CSMD1: variants seen among roughly 807,000 people sequenced by gnomAD.
CSMD1 encodes CUB and sushi domain-containing protein 1.
A neutral mutation model predicts 417.5 loss-of-function variants in CSMD1; 213 were observed. The ratio of observed to expected loss-of-function variants is 0.51; its 90% CI spans 0.46 to 0.57. The LOEUF is 0.57. Among genes scored for constraint, CSMD1 ranks in the 20% least tolerant of loss-of-function variants. CSMD1 has a pLI of 0.00. For synonymous variants in CSMD1, 2,862 were observed against 1,736.8 expected, an observed-to-expected ratio of 1.65 and a Z score of -16.11; for missense variants, 6,923 against 4,529.7, an observed-to-expected ratio of 1.53 and a Z score of -15.17.
intron 6 of CSMD1, among the ~76,000 whole-genome samples, chr8:3,723,981 A>AAC (rs1193169405): frequency 1.8e-5 from 2 of 113,870 alleles, no homozygotes. Context: ...TGTGAAAGAA[A>AAC]AATGTCCACT....
intron 12 of CSMD1, among the ~76,000 whole-genome samples, chr8:3,460,140 G>A (rs1335656714): frequency 2.0e-5 from 3 of 152,146 alleles, no homozygotes; most frequent in Non-Finnish European, 2.9e-5. Flanking sequence ...GGTGGTATAG[G>A]ATTGTGTAGC....
intron 5 of CSMD1, among the ~76,000 whole-genome samples, chr8:3,833,501 C>G (rs1158989296): frequency 6.6e-6 from 1 of 151,994 alleles, no homozygotes; most frequent in Non-Finnish European, 1.5e-5. Context: ...AAAGCCCTTT[C>G]CTCATTCATA....
chr8:4,964,661 ATCT>A (rs1809735653), intron 1 of CSMD1, among the ~76,000 whole-genome samples: 2 of 152,080 alleles, frequency 1.3e-5, no homozygotes, highest in Admixed American at 1.3e-4. Flanking sequence ...ACTCTTTAAA[ATCT>A]TCTCAGAGAT....
chr8:3,484,585 C>T (rs1817920339), intron 11 of CSMD1, among the ~76,000 whole-genome samples: 1 of 152,148 alleles, frequency 6.6e-6, no homozygotes, highest in African/African-American at 2.4e-5. Flanking sequence ...AGCCCATAAA[C>T]TAGACTTCAT....
In CSMD1 at chr8:3,606,423, C is replaced by A. The variant is rs545958211; in HGVS notation, c.1097+10287G>T. On this transcript the variant is annotated intron_variant, in intron 8 of 69. Coordinates refer to ENST00000635120, the MANE Select transcript of CSMD1 (RefSeq NM_033225.6). ...GCAATTGAACACAATGGTAAGTGTT[C>A]GTATATCTAAGTATACCTAAACATA... 3.9e-5 allele frequency among the ~76,000 whole-genome samples: 6 copies of A among 152,076 alleles called. No individual in the cohort carries two copies. In the East Asian group the frequency reaches 1.2e-3, roughly 29 times the overall value.
intron 1 of CSMD1, among the ~76,000 whole-genome samples, chr8:4,850,200 T>A (rs932951629): frequency 6.6e-6 from 1 of 152,260 alleles, no homozygotes; most frequent in African/African-American, 2.4e-5. Context: ...AACCTATTTT[T>A]TAACTGGGTT....
At position 4,297,067 on chromosome 8, in the gene CSMD1, T is replaced by C. The variant is rs1458743212; in HGVS notation, c.415+122886A>G. Reference sequence around the variant, plus strand: ...CGCCAATAAAAATGGTCGGATGGGTTAGATAGGTTGAAGAGCTTGGGGAGA... The same window carrying C: ...CGCCAATAAAAATGGTCGGATGGGTCAGATAGGTTGAAGAGCTTGGGGAGA... On this transcript the variant is annotated intron_variant, in intron 3 of 69. Coordinates refer to ENST00000635120, the MANE Select transcript of CSMD1 (RefSeq NM_033225.6). 6.3e-5 allele frequency among the ~76,000 whole-genome samples: 8 copies of C among 127,662 alleles called. No individual in the cohort carries two copies. In the Admixed American group the frequency reaches 6.9e-4, roughly 11 times the overall value. The allele number at this position is 127,662 out of a possible 152,430, so 83.8% of individuals were successfully genotyped here. A position where few individuals can be genotyped will look rare whatever the true frequency, so the allele number is the denominator to read the frequency against.
intron 41 of CSMD1, among the ~76,000 whole-genome samples, chr8:3,125,344 T>C (rs929253056): frequency 6.6e-6 from 1 of 152,174 alleles, no homozygotes; most frequent in African/African-American, 2.4e-5. Flanking sequence ...GAAGGAGGCG[T>C]CAATCTGCTG....
intron 1 of CSMD1, among the ~76,000 whole-genome samples, chr8:4,771,989 A>G (rs1796622455): frequency 6.6e-6 from 1 of 152,158 alleles, no homozygotes; most frequent in South Asian, 2.1e-4. Flanking sequence ...GGCTTCAAAC[A>G]AGACCCATGT....
chr8:4,613,682 A>G (rs1331749830), intron 2 of CSMD1, among the ~76,000 whole-genome samples: 2 of 152,146 alleles, frequency 1.3e-5, no homozygotes, highest in Non-Finnish European at 2.9e-5. Flanking sequence ...TCAATTTTCC[A>G]TCAAATGGCA....
chr8:4,180,976 C>A (rs1584971286), intron 3 of CSMD1, among the ~76,000 whole-genome samples: 1 of 152,096 alleles, frequency 6.6e-6, no homozygotes, highest in African/African-American at 2.4e-5. Context: ...GTGATAATGG[C>A]TTACCATTTC....
intron 1 of CSMD1, among the ~76,000 whole-genome samples, chr8:4,956,216 T>C (rs1329169441): frequency 1.3e-5 from 2 of 151,362 alleles, no homozygotes; most frequent in Non-Finnish European, 2.9e-5. Flanking sequence ...TTTTAAGTTG[T>C]TCAACACCTT....
intron 1 of CSMD1, among the ~76,000 whole-genome samples, chr8:4,812,929 T>C (rs1219477957): frequency 1.3e-5 from 2 of 152,150 alleles, no homozygotes; most frequent in Admixed American, 6.6e-5. Context: ...CAACACTAAA[T>C]CATGCATTTC....
chr8:3,153,327 G>A (rs1004947264), intron 39 of CSMD1, among the ~76,000 whole-genome samples: 1 of 152,152 alleles, frequency 6.6e-6, no homozygotes, highest in African/African-American at 2.4e-5. Flanking sequence ...CATAAAAATG[G>A]GCAACCAGCA....
chr8:3,534,926 G>C (rs992852088), intron 10 of CSMD1, among the ~76,000 whole-genome samples: 2 of 152,138 alleles, frequency 1.3e-5, no homozygotes, highest in African/African-American at 2.4e-5. Flanking sequence ...AAGATAGCCA[G>C]GGTTACTGTA....
intron 26 of CSMD1, among the ~76,000 whole-genome samples, chr8:3,277,368 C>T (rs1802377988): frequency 6.6e-6 from 1 of 152,120 alleles, no homozygotes; most frequent in African/African-American, 2.4e-5. Flanking sequence ...AGAAAGTACG[C>T]AGGTGCATGA....
chr8:2,974,241 C>T (rs940665370), intron 56 of CSMD1, among the ~76,000 whole-genome samples: 9 of 152,200 alleles, frequency 5.9e-5, no homozygotes, highest in African/African-American at 2.2e-4. Context: ...CGGAGGAGAA[C>T]ATTTAAAGTA....
At chr8:4,515,823 T>G (rs1803086252) in intron 2 of CSMD1, among the ~76,000 whole-genome samples, 2 of 152,292 alleles carry the variant, frequency 1.3e-5, no homozygotes, top group Admixed American at 6.5e-5. Flanking sequence ...GTTGTTTATT[T>G]CTTCATTGCA....
At chr8:4,368,027 T>C (rs1245341702) in intron 3 of CSMD1, among the ~76,000 whole-genome samples, 1 of 152,178 alleles carries the variant, frequency 6.6e-6, no homozygotes, top group East Asian at 1.9e-4. Flanking sequence ...CTGATTGCTC[T>C]GGCTAGAACT....
Sources: gnomAD v4.1 joint callset for allele counts (sites outside exome capture counted in the v4.1 genomes callset) on GRCh38, gnomAD v4.1.1 for gene constraint, MANE v1.5 for transcripts, NCBI Gene and HGNC (gene_info 2026-07-23, HGNC 2026-07-21) for gene names.